The following LRRC39 variants were observed in gnomAD, a reference collection of about 807,000 sequenced individuals.
LRRC39 encodes leucine rich repeat containing 39.
LRRC39 carries 35 observed loss-of-function variants against 39.7 expected under a neutral mutation model. The ratio of observed to expected loss-of-function variants is 0.88; its 90% CI spans 0.67 to 1.17. The LOEUF (loss-of-function observed/expected upper bound fraction) is 1.17, where lower values mean the gene tolerates loss of function less well. Ranked by LOEUF, LRRC39 falls within the 50% of genes most tolerant of loss-of-function variation. The pLI, the probability that LRRC39 is intolerant of heterozygous loss-of-function variation, is 0.00. For synonymous variants in LRRC39, 113 were observed against 134.1 expected (o/e 0.84, Z 1.09); for missense variants, 357 against 385.8 (o/e 0.93, Z 0.62).
Position 100,156,306 on chromosome 1 carries a change from C to A in LRRC39, c.525G>T (p.Leu175=). 1.2e-6 allele frequency: 2 copies of A among 1,607,340 alleles called. No individual in the cohort carries two copies. The highest frequency in any genetic ancestry group is 1.7e-6 in the Non-Finnish European group (2 of 1,175,810). ...ICDLPQELSN[L]LKLTHLDLSM... The stretch of plus-strand genomic sequence containing the variant: ...TCAGATCAAGGTGAGTAAGTTTTAG[C>A]AGATTGCTGAGCTGAAGAAGAAAGC... The change falls in exon 7 of 10, where the codon CTG becomes CTT. Residue 175 remains leucine (L), a synonymous_variant. Coordinates refer to ENST00000370137, the MANE Select transcript of LRRC39 (RefSeq NM_144620.4).
chr1:100,149,342 AAC>A (rs758416513), intron 9 of LRRC39: 31 of 1,542,928 alleles, frequency 2.0e-5, no homozygotes, highest in South Asian at 1.8e-4. Context: ...ACAATTAATA[AAC>A]ACAATTAATT....
At chr1:100,159,457 T>A in intron 4 of LRRC39, 42 bp from the exon 5 acceptor site, 1 of 1,433,906 alleles carries the variant, frequency 7.0e-7, no homozygotes, top group Non-Finnish European at 9.3e-7. Flanking sequence ...TTACTTAAAT[T>A]TTTTTAGTAT....
At chr1:100,151,934 TAGTA>T (rs1302191872) in intron 9 of LRRC39, among the ~76,000 whole-genome samples, 4 of 151,988 alleles carry the variant, frequency 2.6e-5, no homozygotes, top group Admixed American at 6.6e-5. Context: ...CTGGGCAACA[TAGTA>T]AGACCTCATC....
chr1:100,159,110 A>C, intron 5 of LRRC39, 149 bp downstream of exon 5: 248 of 473,610 alleles, frequency 5.2e-4, no homozygotes, highest in Non-Finnish European at 6.9e-4. Context: ...TGAATCCCCT[A>C]GAAGCTTCAA....
chr1:100,179,499 CAAAAAAAAA>C (rs60588308), upstream of LRRC39, among the ~76,000 whole-genome samples: 2 of 45,620 alleles, frequency 4.4e-5, no homozygotes, highest in South Asian at 1.2e-3. Flanking sequence ...CTGTATCTAC[CAAAAAAAAA>C]AAAAAAAAAA....
Position 100,159,292 on chromosome 1 carries a change from G to A in LRRC39, c.343C>T (p.Arg115Ter), listed in dbSNP as rs142662464. 2 of 1,605,822 alleles carry A rather than the reference G, an allele frequency of 1.2e-6. No homozygotes were observed. Among genetic ancestry groups the A allele is most frequent in the South Asian group, 1.1e-5 (1 of 89,270 alleles). Residue 115 changes from arginine to a stop codon, truncating the protein, a stop_gained, in exon 5 of 10, where the codon CGA becomes TGA. Transcript: ENST00000370137. LOFTEE classifies it high-confidence loss of function. ...GGTGGTATCTCTGAAATTGTGTTTC[G>A]AGATAAATCTAACACAATGAGGTTC... ...FQNLIVLDLS[R>*]NTISEIPPGI... is the part of the protein sequence containing the mutation.
intron 4 of LRRC39, 31 bp downstream of exon 4, chr1:100,160,435 G>A (rs1193152325): frequency 6.4e-7 from 1 of 1,572,730 alleles, no homozygotes; most frequent in African/African-American, 1.4e-5. Context: ...AATGCAAAAT[G>A]TGGAAAATCA....
intron 3 of LRRC39, among the ~76,000 whole-genome samples, chr1:100,167,855 T>G (rs1659356261): frequency 6.6e-6 from 1 of 150,480 alleles, no homozygotes; most frequent in Non-Finnish European, 1.5e-5. Flanking sequence ...ATGAGAATTG[T>G]ATGGAACTAT....
At chr1:100,154,981 C>G in intron 8 of LRRC39, 70 bp downstream of exon 8, 1 of 1,374,382 alleles carries the variant, frequency 7.3e-7, no homozygotes. Flanking sequence ...ATAACAATCT[C>G]TCTACAGTAC....
At chr1:100,175,615 G>A (rs1157092873) in intron 1 of LRRC39, among the ~76,000 whole-genome samples, 1 of 152,066 alleles carries the variant, frequency 6.6e-6, no homozygotes, top group Non-Finnish European at 1.5e-5. Flanking sequence ...ATTAGTGGGG[G>A]AAGATATTGG....
rs564293507 is a variant in LRRC39, at chr1:100,168,334, A to G, written c.113+70T>C. 3.4e-5 allele frequency: 38 copies of G among 1,115,462 alleles called. No homozygotes were observed. In the African/African-American group the frequency reaches 5.3e-4, roughly 16 times the overall value. 69.1% of individuals were successfully genotyped at this position (1,115,462 alleles called of 1,614,324 possible). A position where few individuals can be genotyped will look rare whatever the true frequency, so the allele number is the denominator to read the frequency against. On this transcript the variant is annotated intron_variant, in intron 3 of 9. Coordinates refer to ENST00000370137, the MANE Select transcript of LRRC39 (RefSeq NM_144620.4). ...CAAATTCAATAACAAGGCATTTAGA[A>G]TGCTCTTTTTTATGGTGATGATAAT...
At chr1:100,164,096 T>A (rs1306483572) in intron 3 of LRRC39, among the ~76,000 whole-genome samples, 1 of 152,084 alleles carries the variant, frequency 6.6e-6, no homozygotes, top group Non-Finnish European at 1.5e-5. Flanking sequence ...TAAAATTTGA[T>A]TCTACAAATT....
In LRRC39 at chr1:100,149,049, T is replaced by G; in HGVS notation, c.1001A>C (p.Asp334Ala). ...AGGGCATCTTGAATTATATTATCCA[T>G]CCGTATTTATGGAGATTGGTAAAGT... The part of the protein sequence containing the change: ...STTLPISINT[D>A]G The change falls in exon 10 of 10, where the codon GAT (aspartate) becomes GCT (alanine). Residue 334 changes from aspartate (D) to alanine (A), a missense_variant. Physicochemically the swap from Asp to Ala is moderately radical, Grantham distance 126. Transcript: ENST00000370137. 1 of 1,592,210 alleles carries G rather than the reference T, an allele frequency of 6.3e-7. No individual in the cohort carries two copies. Among genetic ancestry groups the G allele is most frequent in the Non-Finnish European group, 8.5e-7 (1 of 1,171,874 alleles).
At chr1:100,164,664 C>T (rs926363648) in intron 3 of LRRC39, among the ~76,000 whole-genome samples, 3 of 151,940 alleles carry the variant, frequency 2.0e-5, no homozygotes, top group African/African-American at 4.8e-5. Context: ...AGATTCTTAC[C>T]ATTTTGCGTC....
At chr1:100,155,496 C>G (rs1658394711) in intron 7 of LRRC39, among the ~76,000 whole-genome samples, 1 of 152,152 alleles carries the variant, frequency 6.6e-6, no homozygotes, top group East Asian at 1.9e-4. Context: ...ATTAGAGAAA[C>G]CACATCAGGA....
At chr1:100,158,937 A>T (rs1020388983) in intron 5 of LRRC39, among the ~76,000 whole-genome samples, 13 of 149,170 alleles carry the variant, frequency 8.7e-5, no homozygotes, top group African/African-American at 3.2e-4. Flanking sequence ...TTTTTTTCCC[A>T]TTTGAAGAAT....
chr1:100,155,842 C>T (rs547563038), intron 7 of LRRC39, among the ~76,000 whole-genome samples: 56 of 152,168 alleles, frequency 3.7e-4, no homozygotes, highest in Middle Eastern at 3.2e-3. Context: ...AAGTGCTTGG[C>T]ATATGCTAAG....
At chr1:100,179,666 G>T (rs1660173144), upstream of LRRC39, among the ~76,000 whole-genome samples, 1 of 151,222 alleles carries the variant, frequency 6.6e-6, no homozygotes, top group Non-Finnish European at 1.5e-5. Context: ...GAGCCAGGGA[G>T]GTCAAGCTGT....
At position 100,149,073 on chromosome 1, in the gene LRRC39, G is replaced by T. The variant is rs139750209; in HGVS notation, c.977C>A (p.Thr326Asn). 99 of 1,602,914 alleles carry T rather than the reference G, an allele frequency of 6.2e-5. 1 individual carries two copies. In the African/African-American group the frequency reaches 1.3e-3, roughly 21 times the overall value. ...RADHQVNGST[T>N]LPISINTDG ...ATCCGTATTTATGGAGATTGGTAAA[G>T]TAGTTGAACCGTTGACTTGGTGATC... Residue 326 changes from threonine (T) to asparagine (N), a missense_variant, in exon 10 of 10, where the codon ACT (threonine) becomes AAT (asparagine). Thr to Asn is a moderately conservative substitution (Grantham distance 65). Transcript: ENST00000370137.
Sources: allele counts gnomAD v4.1 joint callset (sites outside exome capture counted in the v4.1 genomes callset), GRCh38; gene constraint gnomAD v4.1.1; transcripts MANE v1.5; gene names NCBI Gene and HGNC (gene_info 2026-07-23, HGNC 2026-07-21).